Variants in SEC61A2 observed in about 807,000 individuals in gnomAD.
The protein encoded by SEC61A2 is protein transport protein Sec61 subunit alpha isoform 2.
A neutral mutation model predicts 59.9 loss-of-function variants in SEC61A2; 28 were observed. The ratio of observed to expected loss-of-function variants is 0.47; its 90% CI spans 0.35 to 0.64. SEC61A2 has a LOEUF of 0.64. Among genes scored for constraint, SEC61A2 ranks in the 30% least tolerant of loss-of-function variants. The pLI is 0.01. For missense variants in SEC61A2, 340 were observed against 585.9 expected (o/e 0.58, Z 4.33); for synonymous variants, 202 against 214.4 (o/e 0.94, Z 0.50).
At position 12,165,054 on chromosome 10, in the gene SEC61A2, C is replaced by T; in HGVS notation, c.*600C>T. On this transcript the variant is annotated 3_prime_UTR_variant, in exon 12 of 12. Coordinates refer to ENST00000298428, the MANE Select transcript of SEC61A2 (RefSeq NM_018144.4). Reference sequence around the variant, plus strand: ...GCTTCTAAGGCCTCCTCCTTCTCCTCCTCCTCTTCCTCTTCCTCCTTTTCC... The same window carrying T: ...GCTTCTAAGGCCTCCTCCTTCTCCTTCTCCTCTTCCTCTTCCTCCTTTTCC... 2 of 987,058 alleles carry T rather than the reference C, an allele frequency of 2.0e-6. No individual in the cohort carries two copies. The highest frequency in any genetic ancestry group is 2.4e-6 in the Non-Finnish European group (2 of 830,804). 61.1% of individuals were successfully genotyped at this position (987,058 alleles called of 1,614,324 possible).
rs1448369352 is a variant in SEC61A2, at chr10:12,153,218, G to C, written c.463-2560G>C. Among the ~76,000 whole-genome samples the C allele has an allele frequency of 2.6e-5, 4 of 152,190 alleles. No homozygotes were observed. Among genetic ancestry groups the C allele is most frequent in the East Asian group, 3.8e-4 (2 of 5,200 alleles). ...TGATTTTAGTATCTTTCAGGGCTTA[G>C]GGTTTCTCTTCGTATGCTTTAGGCA... On this transcript the variant is annotated intron_variant, in intron 6 of 11. Transcript: ENST00000298428. This position sits in a 1 kb window ranked among gnomAD's most constrained non-coding sequence, Gnocchi z 5.2.
chr10:12,163,159 ACTAGC>A (rs1564417730), intron 11 of SEC61A2, among the ~76,000 whole-genome samples: 1 of 152,042 alleles, frequency 6.6e-6, no homozygotes, highest in Non-Finnish European at 1.5e-5. Flanking sequence ...CCTCGCCAGC[ACTAGC>A]TCTGGCTTTT....
intron 3 of SEC61A2, among the ~76,000 whole-genome samples, chr10:12,139,388 G>A (rs184125135): frequency 0.013 from 1,958 of 151,376 alleles, 28 homozygotes; most frequent in Non-Finnish European, 0.018. Context: ...AGTGGCTCAC[G>A]CCTGTAATCC....
In SEC61A2 at chr10:12,155,319, C is replaced by T; in HGVS notation, c.463-459C>T. On this transcript the variant is annotated intron_variant, in intron 6 of 11. Coordinates refer to ENST00000298428, the MANE Select transcript of SEC61A2 (RefSeq NM_018144.4). This position sits in a 1 kb window ranked among gnomAD's most constrained non-coding sequence, Gnocchi z 4.3. ...TAATGCTTTTTTCAAAGGATCAACA[C>T]AGCCCTTAGACTTATCCTTTGATGG... The T allele has an allele frequency of 5.1e-6, 8 of 1,571,488 alleles. No homozygotes were observed. Among genetic ancestry groups the T allele is most frequent in the Non-Finnish European group, 6.9e-6 (8 of 1,160,214 alleles).
chr10:12,144,938 A>T (rs1365109470), intron 4 of SEC61A2, among the ~76,000 whole-genome samples: 1 of 152,112 alleles, frequency 6.6e-6, no homozygotes, highest in Non-Finnish European at 1.5e-5. Context: ...GGTCCCAGCT[A>T]CTTGGGAGGC....
chr10:12,136,297 CTTTTTAT>C, intron 3 of SEC61A2, 127 bp downstream of exon 3: 4 of 509,660 alleles, frequency 7.8e-6, no homozygotes, highest in Non-Finnish European at 1.0e-5. Flanking sequence ...CATTATTATC[CTTTTTAT>C]TTTTTATTAT....
chr10:12,145,165 G>A lies in SEC61A2; in HGVS notation c.220+1970G>A, dbSNP rs1463899096. Among the ~76,000 whole-genome samples, 2 of 152,164 alleles carry A rather than the reference G, an allele frequency of 1.3e-5. No individual in the cohort carries two copies. The highest frequency in any genetic ancestry group is 2.9e-5 in the Non-Finnish European group (2 of 68,024). ...TAAGTCAGATCATGAAGGGCTTGGA[G>A]ACCGTTGGATGGAGCACATTTTAAG... On this transcript the variant is annotated intron_variant, in intron 4 of 11. Transcript: ENST00000298428. The surrounding 1 kb of genome is among the most constrained non-coding windows in gnomAD (Gnocchi z 4.4).
intron 9 of SEC61A2, among the ~76,000 whole-genome samples, chr10:12,159,739 T>C (rs1269934860): frequency 1.3e-5 from 2 of 152,146 alleles, no homozygotes; most frequent in Non-Finnish European, 2.9e-5. Context: ...TTTGCCACAG[T>C]AGGTAATTCT....
chr10:12,155,299 CT>C lies in SEC61A2; in HGVS notation c.463-473del. 2 of 1,518,942 alleles carry C rather than the reference CT, an allele frequency of 1.3e-6. No homozygotes were observed. Among genetic ancestry groups the C allele is most frequent in the Admixed American group, 2.0e-5 (1 of 49,634 alleles). 94.1% of individuals were successfully genotyped at this position (1,518,942 alleles called of 1,614,324 possible). On this transcript the variant is annotated intron_variant, in intron 6 of 11. Transcript: ENST00000298428. This position sits in a 1 kb window ranked among gnomAD's most constrained non-coding sequence, Gnocchi z 4.3. Reference sequence around the variant, plus strand: ...ATACATATATATAATATATATAATGCTTTTTTCAAAGGATCAACACAGCCCT... The same window carrying C: ...ATACATATATATAATATATATAATGCTTTTTCAAAGGATCAACACAGCCCT...
At chr10:12,141,024 T>C (rs992628955) in intron 3 of SEC61A2, among the ~76,000 whole-genome samples, 3 of 151,682 alleles carry the variant, frequency 2.0e-5, no homozygotes, top group Non-Finnish European at 4.4e-5. Context: ...CTCCGCCTCC[T>C]GAGTAGCTGG....
At chr10:12,146,690 TG>T (rs1834145495) in intron 4 of SEC61A2, among the ~76,000 whole-genome samples, 1 of 151,932 alleles carries the variant, frequency 6.6e-6, no homozygotes, top group South Asian at 2.1e-4. Context: ...GCTAATTTTT[TG>T]TATTTTTTAG....
At chr10:12,131,682 C>CTTT (rs1199525836) in intron 1 of SEC61A2, among the ~76,000 whole-genome samples, 7,851 of 46,576 alleles carry the variant, frequency 0.17, 2,328 homozygotes, top group Non-Finnish European at 0.22. Context: ...GATTACATAC[C>CTTT]TTTTTTTTTT....
intron 4 of SEC61A2, among the ~76,000 whole-genome samples, chr10:12,147,821 T>G (rs1031947847): frequency 6.6e-6 from 1 of 152,176 alleles, no homozygotes; most frequent in Non-Finnish European, 1.5e-5. Context: ...TCTACTGATT[T>G]GAAATGCCAT....
Position 12,153,790 on chromosome 10 carries a change from A to T in SEC61A2, c.463-1988A>T. The T allele has an allele frequency of 6.2e-7, 1 of 1,608,268 alleles. No individual in the cohort carries two copies. Among genetic ancestry groups the T allele is most frequent in the Non-Finnish European group, 8.5e-7 (1 of 1,178,350 alleles). ...TACACTGAAGAGCTATGATTGGATC[A>T]GTGTGTTTCACCCAGAAACATAGGT... On this transcript the variant is annotated intron_variant, in intron 6 of 11. Transcript: ENST00000298428. This position sits in a 1 kb window ranked among gnomAD's most constrained non-coding sequence, Gnocchi z 5.2.
Position 12,149,512 on chromosome 10 carries a change from G to A in SEC61A2, c.221-83G>A. 1 of 1,321,376 alleles carries A rather than the reference G, an allele frequency of 7.6e-7. No homozygotes were observed. Among genetic ancestry groups the A allele is most frequent in the Non-Finnish European group, 1.0e-6 (1 of 968,486 alleles). The allele number at this position is 1,321,376 out of a possible 1,614,324, so 81.9% of individuals were successfully genotyped here. A position where few individuals can be genotyped will look rare whatever the true frequency, so the allele number is the denominator to read the frequency against. On this transcript the variant is annotated intron_variant, in intron 4 of 11. Transcript: ENST00000298428. The surrounding 1 kb of genome is among the most constrained non-coding windows in gnomAD (Gnocchi z 5.2). ...AAATTTTCACGTGTGTTTCAGTTGA[G>A]GTAATTAGGGAGTGCGACACCTCTA...
At chr10:12,150,684 A>G (rs1278200906) in intron 6 of SEC61A2, among the ~76,000 whole-genome samples, 2 of 152,224 alleles carry the variant, frequency 1.3e-5, no homozygotes, top group African/African-American at 4.8e-5. Context: ...AACACTGTTT[A>G]TACACACATA....
At position 12,154,591 on chromosome 10, in the gene SEC61A2, T is replaced by C. The variant is rs1244467638; in HGVS notation, c.463-1187T>C. Among the ~76,000 whole-genome samples the C allele has an allele frequency of 1.3e-5, 2 of 152,188 alleles. No homozygotes were observed. Among genetic ancestry groups the C allele is most frequent in the African/African-American group, 4.8e-5 (2 of 41,432 alleles). Reference sequence around the variant, plus strand: ...TTTGTCAAAATGTCGAACTTGGTTTTCAAGCAGTAAAGGATTAGCATGATC... The same window carrying C: ...TTTGTCAAAATGTCGAACTTGGTTTCCAAGCAGTAAAGGATTAGCATGATC... On this transcript the variant is annotated intron_variant, in intron 6 of 11. Coordinates refer to ENST00000298428, the MANE Select transcript of SEC61A2 (RefSeq NM_018144.4). This position sits in a 1 kb window ranked among gnomAD's most constrained non-coding sequence, Gnocchi z 5.2.
At chr10:12,136,983 C>T (rs1159781986) in intron 3 of SEC61A2, among the ~76,000 whole-genome samples, 1 of 152,198 alleles carries the variant, frequency 6.6e-6, no homozygotes, top group African/African-American at 2.4e-5. Flanking sequence ...TCAGGCTTAT[C>T]TCGAACTCCT....
At chr10:12,167,313 C>T (rs551483580), downstream of SEC61A2, 1 of 174,466 alleles carries the variant, frequency 5.7e-6, no homozygotes. Flanking sequence ...TATTTGCATA[C>T]CCAGCTTAGA....
Sources: allele counts gnomAD v4.1 joint callset (sites outside exome capture counted in the v4.1 genomes callset), GRCh38; gene constraint gnomAD v4.1.1; non-coding constraint Gnocchi (gnomAD v3.1); transcripts MANE v1.5; gene names NCBI Gene and HGNC (gene_info 2026-07-23, HGNC 2026-07-21).